Variants in HDLBP observed in about 807,000 individuals in gnomAD.
The protein encoded by HDLBP is vigilin.
A neutral mutation model predicts 137.3 loss-of-function variants in HDLBP; 30 were observed. That is an observed-to-expected ratio of 0.22 (90% CI 0.16 to 0.30). HDLBP has a LOEUF of 0.30. HDLBP is among the 10% of genes least tolerant of loss of function. HDLBP has a pLI of 1.00. For synonymous variants in HDLBP, 606 were observed against 596.0 expected (o/e 1.02, Z -0.24); for missense variants, 1,119 against 1,667.3 (o/e 0.67, Z 5.73).
Position 241,256,590 on chromosome 2 carries a change from C to G in HDLBP, c.657+10G>C. On this transcript the variant is annotated intron_variant, in intron 6 of 27. Transcript: ENST00000310931. ...TAGGCAGGGGCACGAGGCACTCACA[C>G]AGGCCTCACCTGCTCGGCAGAGATG... 1 of 1,612,864 alleles carries G rather than the reference C, an allele frequency of 6.2e-7. No individual in the cohort carries two copies. The highest frequency in any genetic ancestry group is 8.5e-7 in the Non-Finnish European group (1 of 1,179,504).
Position 241,235,472 on chromosome 2 carries a change from C to T in HDLBP, c.3009+18G>A, listed in dbSNP as rs56039230. 8.8e-4 allele frequency: 1,400 copies of T among 1,599,366 alleles called. 2 individuals carry two copies. The highest frequency in any genetic ancestry group is 1.1e-3 in the Non-Finnish European group (1,258 of 1,166,816). On this transcript the variant is annotated intron_variant, in intron 22 of 27. Coordinates refer to ENST00000310931, the MANE Select transcript of HDLBP (RefSeq NM_005336.6). Reference sequence around the variant, plus strand: ...ACAGGCCACTCCTGTGACATGGCCTCCCGGGAAAGGGGTCTACCTCAAACT... The same window carrying T: ...ACAGGCCACTCCTGTGACATGGCCTTCCGGGAAAGGGGTCTACCTCAAACT...
At chr2:241,280,009 T>C in intron 1 of HDLBP, 1 of 985,366 alleles carries the variant, frequency 1.0e-6, no homozygotes, top group Non-Finnish European at 1.2e-6. Flanking sequence ...CCAGGGGTCA[T>C]CTCCAAGGCT....
intron 1 of HDLBP, among the ~76,000 whole-genome samples, chr2:241,294,133 A>G (rs2075098751): frequency 6.6e-6 from 1 of 152,310 alleles, no homozygotes; most frequent in Admixed American, 6.5e-5. Context: ...ATCTTCTGGT[A>G]GCTCCCAAGG....
rs1488248536 is a variant in HDLBP, at chr2:241,296,099, G to A, written c.-103+19471C>T. Among the ~76,000 whole-genome samples, 11 of 55,884 alleles carry A rather than the reference G, an allele frequency of 2.0e-4. No individual in the cohort carries two copies. In the South Asian group the frequency reaches 3.8e-3, roughly 20 times the overall value. 36.7% of individuals were successfully genotyped at this position (55,884 alleles called of 152,430 possible). A position where few individuals can be genotyped will look rare whatever the true frequency, so the allele number is the denominator to read the frequency against. On this transcript the variant is annotated intron_variant, in intron 1 of 27. Transcript: ENST00000310931. ...ACATAAAACCAGGCTAGAAAATTTT[G>A]CAAAAAAAAAAAAAAAAAAGCTGGG...
rs567862241 is a variant in HDLBP at position 241,262,230 on chromosome 2, C to T, written c.450+481G>A. Among the ~76,000 whole-genome samples, 10 of 152,310 alleles carry T rather than the reference C, an allele frequency of 6.6e-5. No individual in the cohort carries two copies. The South Asian group carries it at 1.2e-3, about 19-fold the overall frequency. ...TACTAGCAAAGCAATGGGAACCACC[C>T]ATCTTTACCATTCAGCAAGCCCAGC... On this transcript the variant is annotated intron_variant, in intron 5 of 27. Coordinates refer to ENST00000310931, the MANE Select transcript of HDLBP (RefSeq NM_005336.6).
chr2:241,259,369 C>T (rs555985193), intron 5 of HDLBP, among the ~76,000 whole-genome samples: 25 of 152,206 alleles, frequency 1.6e-4, no homozygotes, highest in Middle Eastern at 3.4e-3. Context: ...TATTATATAA[C>T]GTTGACTTTG....
intron 1 of HDLBP, among the ~76,000 whole-genome samples, chr2:241,299,527 A>G (rs1467212636): frequency 1.3e-5 from 2 of 149,394 alleles, no homozygotes; most frequent in East Asian, 3.9e-4. Context: ...AAAAAAAAAA[A>G]AAAGAAAGGA....
intron 1 of HDLBP, among the ~76,000 whole-genome samples, chr2:241,288,294 T>A (rs1050765094): frequency 6.6e-6 from 1 of 152,324 alleles, no homozygotes; most frequent in East Asian, 1.9e-4. Context: ...TGACTTTACA[T>A]GAACCTATTC....
chr2:241,239,723 T>C lies in HDLBP; in HGVS notation c.2489A>G (p.Tyr830Cys), dbSNP rs151104717. 1 of 1,614,100 alleles carries C rather than the reference T, an allele frequency of 6.2e-7. No homozygotes were observed. Among genetic ancestry groups the C allele is most frequent in the Non-Finnish European group, 8.5e-7 (1 of 1,180,044 alleles). Residue 830 changes from tyrosine to cysteine, a missense_variant, in exon 19 of 28, where the codon TAT (tyrosine) becomes TGT (cysteine). By Grantham distance (194) the Tyr-to-Cys change is radical (BLOSUM62 -2). Transcript: ENST00000310931. This position sits in a 1 kb window ranked among gnomAD's most constrained non-coding sequence, Gnocchi z 4.6. ...TGGGAAGCTGACCATCACCCCGCCA[T>C]ACTCTTCAGCAATCTCCCGCAAGAC... ...GQVLREIAEE[Y>C]GGVMVSFPRS...
At chr2:241,290,635 T>A (rs1192606486) in intron 1 of HDLBP, among the ~76,000 whole-genome samples, 1 of 151,120 alleles carries the variant, frequency 6.6e-6, no homozygotes. Flanking sequence ...AAAATCAGAC[T>A]CTAAACTCTA....
intron 16 of HDLBP, among the ~76,000 whole-genome samples, chr2:241,246,065 C>T (rs2071648166): frequency 1.3e-5 from 2 of 152,176 alleles, no homozygotes; most frequent in African/African-American, 2.4e-5. Flanking sequence ...TCTATCCCTA[C>T]AGTGCAATAT....
In HDLBP at chr2:241,266,224, C is replaced by T. The variant is rs182983029; in HGVS notation, c.76+570G>A. 2.7e-3 allele frequency among the ~76,000 whole-genome samples: 414 copies of T among 152,246 alleles called. 9 individuals are homozygous for T. Among genetic ancestry groups the T allele is most frequent in the Admixed American group, 0.025 (382 of 15,292 alleles). Reference sequence around the variant, plus strand: ...TAATCTCAAATATCAATGGTTCCCCCCCTTTTTTTTACATTAGAGATGTTG... The same window carrying T: ...TAATCTCAAATATCAATGGTTCCCCTCCTTTTTTTTACATTAGAGATGTTG... On this transcript the variant is annotated intron_variant, in intron 3 of 27. Coordinates refer to ENST00000310931, the MANE Select transcript of HDLBP (RefSeq NM_005336.6).
At chr2:241,297,791 G>A (rs2075236631) in intron 1 of HDLBP, among the ~76,000 whole-genome samples, 1 of 152,096 alleles carries the variant, frequency 6.6e-6, no homozygotes, top group South Asian at 2.1e-4. Flanking sequence ...GAAGGACACA[G>A]ACAGTAATCC....
rs986087495 is a variant in HDLBP, at chr2:241,230,435, G to T, written c.3475-166C>A. ...GCCTCATCACCACACCAAGTTAGGT[G>T]TATCTCAGGAGCACCTTGTTCCCAG... On this transcript the variant is annotated intron_variant, in intron 25 of 27. Transcript: ENST00000310931. The surrounding 1 kb of genome is among the most constrained non-coding windows in gnomAD (Gnocchi z 5.0). 6.6e-6 allele frequency among the ~76,000 whole-genome samples: 1 copy of T among 152,256 alleles called. No homozygotes were observed. The highest frequency in any genetic ancestry group is 1.5e-5 in the Non-Finnish European group (1 of 68,044).
At chr2:241,264,880 A>G (rs191035599) in intron 3 of HDLBP, among the ~76,000 whole-genome samples, 190 of 152,260 alleles carry the variant, frequency 1.2e-3, no homozygotes, top group African/African-American at 4.2e-3. Flanking sequence ...CTTGGTAAAC[A>G]TCAGCTCAGA....
chr2:241,307,309 G>A (rs1368281907), intron 1 of HDLBP, among the ~76,000 whole-genome samples: 7 of 152,178 alleles, frequency 4.6e-5, no homozygotes, highest in African/African-American at 1.7e-4. Flanking sequence ...GACTGCTCAC[G>A]CCACTTGCTG....
intron 11 of HDLBP, among the ~76,000 whole-genome samples, chr2:241,251,584 C>T: frequency 6.6e-6 from 1 of 152,252 alleles, no homozygotes; most frequent in East Asian, 1.9e-4. Context: ...CTTGCCTTCT[C>T]ACCTTCCACC....
intron 2 of HDLBP, 135 bp downstream of exon 2, chr2:241,268,342 G>A (rs1284988130): frequency 8.2e-5 from 37 of 449,186 alleles, no homozygotes; most frequent in Non-Finnish European, 1.0e-4. Flanking sequence ...AGACATCTCT[G>A]ACGAACCACG....
At chr2:241,251,632 A>G (rs1458518555) in intron 11 of HDLBP, among the ~76,000 whole-genome samples, 1 of 152,228 alleles carries the variant, frequency 6.6e-6, no homozygotes, top group East Asian at 1.9e-4. Context: ...TTGTTTTCAG[A>G]ACACGCGAGT....
Sources: gnomAD v4.1 joint callset for allele counts (sites outside exome capture counted in the v4.1 genomes callset) on GRCh38, gnomAD v4.1.1 for gene constraint, Gnocchi (gnomAD v3.1) non-coding constraint, MANE v1.5 for transcripts, NCBI Gene and HGNC (gene_info 2026-07-23, HGNC 2026-07-21) for gene names.